The following PEBP4 variants were observed in gnomAD, a reference collection of about 807,000 sequenced individuals.
The protein encoded by PEBP4 is phosphatidylethanolamine-binding protein 4.
Under a neutral mutation model 23.9 loss-of-function variants are expected in PEBP4, and 22 were observed. That is an observed-to-expected ratio of 0.92 (90% CI 0.66 to 1.31). The LOEUF is 1.31. PEBP4 is among the 40% of genes most tolerant of loss of function. The pLI, the probability that PEBP4 is intolerant of heterozygous loss-of-function variation, is 0.00. For synonymous variants in PEBP4, 112 were observed against 99.3 expected (o/e 1.13, Z -0.76); for missense variants, 324 against 281.7 (o/e 1.15, Z -1.07).
chr8:22,763,421 A>C (rs977293806), intron 4 of PEBP4, among the ~76,000 whole-genome samples: 6 of 152,202 alleles, frequency 3.9e-5, no homozygotes, highest in African/African-American at 1.4e-4. Context: ...CAGCGGTCAG[A>C]TCATCACTGT....
At chr8:22,727,326 G>T in intron 4 of PEBP4, 106 bp from the exon 5 acceptor site, 1 of 1,066,260 alleles carries the variant, frequency 9.4e-7, no homozygotes, top group Non-Finnish European at 1.4e-6. Flanking sequence ...GATGGGAGAG[G>T]AAGGAGGATG....
intron 6 of PEBP4, among the ~76,000 whole-genome samples, chr8:22,722,834 G>T (rs1186233469): frequency 6.6e-6 from 1 of 151,462 alleles, no homozygotes; most frequent in Non-Finnish European, 1.5e-5. Flanking sequence ...GTGTAGTGGC[G>T]CGATCTCAGC....
chr8:22,917,243 T>C (rs1203986793), intron 3 of PEBP4, among the ~76,000 whole-genome samples: 1 of 152,082 alleles, frequency 6.6e-6, no homozygotes, highest in East Asian at 1.9e-4. Context: ...CGTGCCCTTC[T>C]CCATCAGGCC....
chr8:22,717,392 G>C (rs116286530), intron 6 of PEBP4, among the ~76,000 whole-genome samples: 314 of 152,334 alleles, frequency 2.1e-3, no homozygotes, highest in African/African-American at 7.2e-3. Flanking sequence ...GGGTGACCCT[G>C]CTGTAGCCAA....
intron 4 of PEBP4, among the ~76,000 whole-genome samples, chr8:22,728,684 G>A (rs538161828): frequency 2.0e-5 from 3 of 150,500 alleles, no homozygotes; most frequent in Non-Finnish European, 2.9e-5. Flanking sequence ...TGCAACCTCC[G>A]CCTCCCAGGT....
chr8:22,892,002 G>A (rs1367583110), intron 3 of PEBP4, among the ~76,000 whole-genome samples: 1 of 152,054 alleles, frequency 6.6e-6, no homozygotes, highest in African/African-American at 2.4e-5. Flanking sequence ...CAACCCGGGA[G>A]GCGGAACTTG....
chr8:22,746,055 C>T (rs984615933), intron 4 of PEBP4, among the ~76,000 whole-genome samples: 1 of 152,098 alleles, frequency 6.6e-6, no homozygotes, highest in African/African-American at 2.4e-5. Context: ...AGCATTGTCC[C>T]CTGGTCTGAA....
chr8:22,734,890 C>A (rs948322730), intron 4 of PEBP4, among the ~76,000 whole-genome samples: 5 of 152,096 alleles, frequency 3.3e-5, no homozygotes, highest in Non-Finnish European at 1.5e-5. Flanking sequence ...GGAGCTTCAC[C>A]CAGAGCGTCA....
intron 4 of PEBP4, chr8:22,755,985 C>G (rs1417780209): frequency 6.6e-6 from 1 of 152,234 alleles, no homozygotes; most frequent in African/African-American, 2.4e-5. Context: ...TCCTGCAATG[C>G]CTCCAACGGG....
At chr8:22,817,243 C>T (rs1317327520) in intron 4 of PEBP4, among the ~76,000 whole-genome samples, 2 of 152,232 alleles carry the variant, frequency 1.3e-5, no homozygotes, top group Non-Finnish European at 2.9e-5. Context: ...GTCTCAGAAT[C>T]CCCTCAGTGC....
At chr8:22,854,655 G>A (rs895058903) in intron 3 of PEBP4, among the ~76,000 whole-genome samples, 1 of 152,104 alleles carries the variant, frequency 6.6e-6, no homozygotes, top group Non-Finnish European at 1.5e-5. Flanking sequence ...CGATTTGTCA[G>A]GATTGTTGTG....
chr8:22,779,009 G>A (rs1012633877), intron 4 of PEBP4, among the ~76,000 whole-genome samples: 5 of 148,802 alleles, frequency 3.4e-5, no homozygotes, highest in Admixed American at 6.7e-5. Context: ...CATGGGAGGC[G>A]GTGACTAATC....
chr8:22,901,364 T>G (rs1266910622), intron 3 of PEBP4, among the ~76,000 whole-genome samples: 2 of 152,170 alleles, frequency 1.3e-5, no homozygotes. Context: ...CTCTGTCTTG[T>G]GTCAGCAGAG....
chr8:22,778,490 T>C (rs901409781), intron 4 of PEBP4, among the ~76,000 whole-genome samples: 1 of 151,976 alleles, frequency 6.6e-6, no homozygotes, highest in African/African-American at 2.4e-5. Flanking sequence ...GTTCGAGTGA[T>C]AACTTGGACA....
chr8:22,891,110 G>A (rs780705503), intron 3 of PEBP4, among the ~76,000 whole-genome samples: 2 of 152,212 alleles, frequency 1.3e-5, no homozygotes, highest in Non-Finnish European at 2.9e-5. Context: ...TTACAGGCGT[G>A]AGCCACTGCT....
chr8:22,758,365 C>T (rs763948502), intron 4 of PEBP4, among the ~76,000 whole-genome samples: 1 of 152,220 alleles, frequency 6.6e-6, no homozygotes, highest in Admixed American at 6.5e-5. Flanking sequence ...ATATTTGAGG[C>T]CTGGTGGGCC....
chr8:22,739,681 TG>T (rs1804947707), intron 4 of PEBP4, among the ~76,000 whole-genome samples: 1 of 152,112 alleles, frequency 6.6e-6, no homozygotes, highest in Non-Finnish European at 1.5e-5. Context: ...CCCACAGTTC[TG>T]GAGAGTGGCT....
chr8:22,909,108 C>T (rs902513795), intron 3 of PEBP4, among the ~76,000 whole-genome samples: 4 of 152,144 alleles, frequency 2.6e-5, no homozygotes, highest in Non-Finnish European at 5.9e-5. Context: ...GCATTGGTGG[C>T]CCCAGCCACT....
At chr8:22,938,219 C>T (rs1441374058) in intron 1 of PEBP4, among the ~76,000 whole-genome samples, 3 of 152,174 alleles carry the variant, frequency 2.0e-5, no homozygotes, top group African/African-American at 2.4e-5. Flanking sequence ...CTGGCCACTC[C>T]GTCCTCTTCA....
Sources: allele counts gnomAD v4.1 joint callset (sites outside exome capture counted in the v4.1 genomes callset), GRCh38; gene constraint gnomAD v4.1.1; transcripts MANE v1.5; gene names NCBI Gene and HGNC (gene_info 2026-07-23, HGNC 2026-07-21).